Variants in NEDD9 observed in about 807,000 individuals in gnomAD.
NEDD9 encodes enhancer of filamentation 1.
Under a neutral mutation model 76.6 loss-of-function variants are expected in NEDD9, and 26 were observed. The observed-to-expected ratio is 0.34, with a 90% CI of 0.25 to 0.47. The LOEUF (loss-of-function observed/expected upper bound fraction) is 0.47. Among genes scored for constraint, NEDD9 ranks in the 20% least tolerant of loss-of-function variants. The pLI is 1.00. For missense variants in NEDD9, 937 were observed against 1,058.5 expected (o/e 0.89, Z 1.59); for synonymous variants, 392 against 414.2 (o/e 0.95, Z 0.65).
In NEDD9 at chr6:11,185,358, T is replaced by C. The variant is rs1375395668; in HGVS notation, c.2309A>G (p.Gln770Arg). Reference protein sequence around the residue: ...GDTLTRQVTAQDIRNKVMNSS... With the variant: ...GDTLTRQVTARDIRNKVMNSS... ...GTTCATGACTTTGTTGCGAATGTCC[T>C]GGGCAGTCACCTGCCGTGTCAGCGT... Residue 770 changes from glutamine to arginine, a missense_variant, in exon 7 of 7, where the codon CAG becomes CGG. Gln to Arg is a conservative substitution (Grantham distance 43). Coordinates refer to ENST00000379446, the MANE Select transcript of NEDD9 (RefSeq NM_006403.4). 9.9e-6 allele frequency: 16 copies of C among 1,614,242 alleles called. No individual in the cohort carries two copies. Among genetic ancestry groups the C allele is most frequent in the Non-Finnish European group, 1.4e-5 (16 of 1,180,040 alleles).
chr6:11,308,495 G>C (rs1011100110), intron 2 of NEDD9, among the ~76,000 whole-genome samples: 2 of 145,750 alleles, frequency 1.4e-5, no homozygotes, highest in African/African-American at 5.1e-5. Flanking sequence ...TCAGCCTCCC[G>C]AGTAGCTGGG....
At chr6:11,381,019 T>C (rs1274805598) in intron 1 of NEDD9, among the ~76,000 whole-genome samples, 1 of 152,216 alleles carries the variant, frequency 6.6e-6, no homozygotes, top group African/African-American at 2.4e-5. Flanking sequence ...ACTAAATAGC[T>C]GTTAAATAAA....
chr6:11,381,057 C>T (rs930505449), intron 1 of NEDD9, among the ~76,000 whole-genome samples: 3 of 152,214 alleles, frequency 2.0e-5, no homozygotes, highest in Non-Finnish European at 4.4e-5. Context: ...AATGGTGGAG[C>T]GCTAGCTAAA....
At chr6:11,249,130 G>A (rs1404001156) in intron 3 of NEDD9, 2 of 455,996 alleles carry the variant, frequency 4.4e-6, no homozygotes, top group South Asian at 3.1e-5. Flanking sequence ...TTTTTGGGAG[G>A]AGACTTACAT....
chr6:11,292,206 A>G (rs1253385603), intron 3 of NEDD9, among the ~76,000 whole-genome samples: 1 of 152,236 alleles, frequency 6.6e-6, no homozygotes, highest in Non-Finnish European at 1.5e-5. Context: ...ATGGGAAAAG[A>G]AAGCCACAGA....
intron 3 of NEDD9, among the ~76,000 whole-genome samples, chr6:11,296,671 T>TTGCCC (rs1760898150): frequency 2.1e-5 from 2 of 94,310 alleles, no homozygotes; most frequent in Admixed American, 1.9e-4. Context: ...TTTCCTTTCC[T>TTGCCC]TTCCTTTCCC....
At chr6:11,377,666 G>A (rs1762989406) in intron 1 of NEDD9, among the ~76,000 whole-genome samples, 1 of 152,210 alleles carries the variant, frequency 6.6e-6, no homozygotes, top group African/African-American at 2.4e-5. Context: ...GATGAGACAC[G>A]ACTTTGTACT....
At chr6:11,366,822 G>A (rs776411735) in intron 1 of NEDD9, among the ~76,000 whole-genome samples, 4 of 152,128 alleles carry the variant, frequency 2.6e-5, no homozygotes, top group African/African-American at 9.7e-5. Flanking sequence ...CTTTCCCACC[G>A]TGATCTCCTC....
chr6:11,193,787 C>T, intron 2 of NEDD9, 95 bp from the exon 3 acceptor site: 1 of 719,284 alleles, frequency 1.4e-6, no homozygotes, highest in Non-Finnish European at 2.3e-6. Flanking sequence ...AACTCTCCCT[C>T]ATAAAAAGAT....
intron 2 of NEDD9, among the ~76,000 whole-genome samples, chr6:11,207,228 T>C (rs1164296872): frequency 1.3e-5 from 2 of 152,236 alleles, no homozygotes; most frequent in East Asian, 1.9e-4. Context: ...ATGCTGCTAA[T>C]ATATAGCACT....
At chr6:11,275,159 C>T (rs895552394) in intron 3 of NEDD9, among the ~76,000 whole-genome samples, 4 of 152,284 alleles carry the variant, frequency 2.6e-5, no homozygotes, top group African/African-American at 9.6e-5. Context: ...AAGACAAATA[C>T]AACACGATCT....
At chr6:11,223,285 C>T (rs1218636722) in intron 1 of NEDD9, among the ~76,000 whole-genome samples, 3 of 152,026 alleles carry the variant, frequency 2.0e-5, no homozygotes, top group Non-Finnish European at 4.4e-5. Context: ...TCCCTGTCTG[C>T]AAAATAAATA....
intron 3 of NEDD9, chr6:11,259,188 G>T (rs1277056992): frequency 6.6e-6 from 1 of 152,186 alleles, no homozygotes; most frequent in African/African-American, 2.4e-5. Context: ...TGATAACCTT[G>T]CAGGGAGTGT....
intron 1 of NEDD9, among the ~76,000 whole-genome samples, chr6:11,339,035 T>C (rs1762221810): frequency 6.6e-6 from 1 of 152,030 alleles, no homozygotes; most frequent in Non-Finnish European, 1.5e-5. Context: ...TACAAATAAA[T>C]TCAAAAGATA....
chr6:11,305,744 C>T, intron 3 of NEDD9: 1 of 544,186 alleles, frequency 1.8e-6, no homozygotes, highest in Non-Finnish European at 3.3e-6. Context: ...ATCTGCATCC[C>T]AGAAGACTGC....
intron 1 of NEDD9, among the ~76,000 whole-genome samples, chr6:11,349,751 A>T (rs1234059078): frequency 6.6e-6 from 1 of 152,172 alleles, no homozygotes; most frequent in African/African-American, 2.4e-5. Flanking sequence ...GGGAAACAAC[A>T]CACACTGGGA....
intron 3 of NEDD9, among the ~76,000 whole-genome samples, chr6:11,261,195 T>C (rs865970931): frequency 4.6e-5 from 7 of 152,136 alleles, no homozygotes; most frequent in Admixed American, 4.6e-4. Context: ...AAATGTACAT[T>C]GGTACGCATC....
At chr6:11,261,641 C>T (rs146695497) in intron 3 of NEDD9, among the ~76,000 whole-genome samples, 7 of 152,282 alleles carry the variant, frequency 4.6e-5, no homozygotes, top group African/African-American at 1.4e-4. Context: ...ATGCTTTTAA[C>T]TTTTCTAATT....
chr6:11,347,844 T>A (rs537679390), intron 1 of NEDD9, among the ~76,000 whole-genome samples: 10 of 152,308 alleles, frequency 6.6e-5, no homozygotes, highest in African/African-American at 2.4e-4. Context: ...CATCACTGAA[T>A]GGGCAAAAGC....
Sources: gnomAD v4.1 joint callset for allele counts (sites outside exome capture counted in the v4.1 genomes callset) on GRCh38, gnomAD v4.1.1 for gene constraint, MANE v1.5 for transcripts, NCBI Gene and HGNC (gene_info 2026-07-23, HGNC 2026-07-21) for gene names.